The following THRB variants were observed in gnomAD, a reference collection of about 807,000 sequenced individuals.
THRB encodes thyroid hormone receptor beta.
A neutral mutation model predicts 47.8 loss-of-function variants in THRB; 12 were observed. The ratio of observed to expected loss-of-function variants is 0.25; its 90% confidence interval spans 0.16 to 0.41. The LOEUF is 0.41. Among genes scored for constraint, THRB ranks in the 10% least tolerant of loss-of-function variants. THRB has a pLI of 1.00. For synonymous variants in THRB, 218 were observed against 212.2 expected (o/e 1.03, Z -0.24); for missense variants, 348 against 589.2 (o/e 0.59, Z 4.24).
chr3:24,402,926 G>C (rs139122752), intron 1 of THRB, among the ~76,000 whole-genome samples: 216 of 152,082 alleles, frequency 1.4e-3, no homozygotes, highest in African/African-American at 4.9e-3. Context: ...TGACAATATA[G>C]ATAGAACAAT....
intron 3 of THRB, among the ~76,000 whole-genome samples, chr3:24,285,232 C>T (rs1410509120): frequency 1.3e-5 from 2 of 151,666 alleles, no homozygotes; most frequent in Admixed American, 6.6e-5. Context: ...CACATATACA[C>T]CATGGAATAC....
chr3:24,209,047 A>G (rs2045724457), intron 4 of THRB, among the ~76,000 whole-genome samples: 2 of 152,372 alleles, frequency 1.3e-5, no homozygotes. Context: ...CTCTTCTCAA[A>G]AGAAGACATT....
At chr3:24,320,353 T>A (rs927646349) in intron 2 of THRB, among the ~76,000 whole-genome samples, 1 of 152,184 alleles carries the variant, frequency 6.6e-6, no homozygotes, top group African/African-American at 2.4e-5. Context: ...AACCGGATTA[T>A]CACGTGAGGA....
intron 8 of THRB, among the ~76,000 whole-genome samples, chr3:24,140,599 A>AAG (rs2035306805): frequency 6.6e-6 from 1 of 152,114 alleles, no homozygotes; most frequent in Non-Finnish European, 1.5e-5. Flanking sequence ...ATATATAGTC[A>AAG]ACTGCTATGA....
intron 2 of THRB, among the ~76,000 whole-genome samples, chr3:24,335,097 C>G (rs759045054): frequency 6.6e-5 from 10 of 152,152 alleles, no homozygotes; most frequent in Non-Finnish European, 1.2e-4. Context: ...CCAGCACAGA[C>G]TTTTAAGGGG....
intron 1 of THRB, among the ~76,000 whole-genome samples, chr3:24,484,966 G>GCATT (rs546602288): frequency 6.6e-5 from 10 of 151,996 alleles, no homozygotes; most frequent in Admixed American, 2.0e-4. Context: ...ACCCATTCCT[G>GCATT]CATTCATTCA....
intron 1 of THRB, among the ~76,000 whole-genome samples, chr3:24,479,357 A>G (rs959541278): frequency 2.0e-5 from 3 of 152,196 alleles, no homozygotes; most frequent in African/African-American, 4.8e-5. Context: ...TATATTGCAC[A>G]GGGCAGCCCC....
At position 24,118,592 on chromosome 3, in the gene THRB, G is replaced by GC. The variant is rs1343598046; in HGVS notation, c.*4291dup. On this transcript the variant is annotated 3_prime_UTR_variant, in exon 11 of 11. Coordinates refer to ENST00000646209, the MANE Select transcript of THRB (RefSeq NM_001354712.2). Reference sequence around the variant, plus strand: ...TTGGCTCTATGGTCAAATTAAAAATGCCAAGTTAATAAGGGAGAACCAAAA... The same window carrying GC: ...TTGGCTCTATGGTCAAATTAAAAATGCCCAAGTTAATAAGGGAGAACCAAAA... The GC allele has an allele frequency of 1.3e-5, 2 of 152,620 alleles. No homozygotes were observed. The highest frequency in any genetic ancestry group is 4.8e-5 in the African/African-American group (2 of 41,456). 9.5% of individuals were successfully genotyped at this position (152,620 alleles called of 1,614,324 possible).
Position 24,437,785 on chromosome 3 carries a change from C to G in THRB, c.-261+56867G>C, listed in dbSNP as rs148797891. Among the ~76,000 whole-genome samples the G allele has an allele frequency of 2.0e-5, 3 of 152,146 alleles. No homozygotes were observed. In the South Asian group the frequency reaches 6.2e-4, roughly 32 times the overall value. ...AGATACAGGGAAGAAAATGAACACA[C>G]TTTTGGGCTCAAAAACTAAATTTAC... On this transcript the variant is annotated intron_variant, in intron 1 of 10. Transcript: ENST00000646209.
chr3:24,170,976 G>A (rs1035951715), intron 5 of THRB, among the ~76,000 whole-genome samples: 14 of 152,078 alleles, frequency 9.2e-5, no homozygotes, highest in African/African-American at 2.9e-4. Flanking sequence ...TTATATCTTC[G>A]TCACAAGAGA....
At chr3:24,199,662 A>C (rs1158657303) in intron 4 of THRB, among the ~76,000 whole-genome samples, 1 of 152,254 alleles carries the variant, frequency 6.6e-6, no homozygotes, top group Non-Finnish European at 1.5e-5. Flanking sequence ...CTCTGAAACT[A>C]AAAAGTACAA....
intron 1 of THRB, among the ~76,000 whole-genome samples, chr3:24,472,212 G>T (rs1459679117): frequency 6.6e-6 from 1 of 152,144 alleles, no homozygotes; most frequent in Non-Finnish European, 1.5e-5. Flanking sequence ...TACTTTGCCT[G>T]CTATGTTATA....
chr3:24,204,562 G>A (rs947032736), intron 4 of THRB, among the ~76,000 whole-genome samples: 1 of 152,190 alleles, frequency 6.6e-6, no homozygotes, highest in Non-Finnish European at 1.5e-5. Flanking sequence ...AAAAAACAGA[G>A]CAGAAAAGCT....
At chr3:24,391,850 A>G (rs1227535711) in intron 1 of THRB, among the ~76,000 whole-genome samples, 1 of 152,098 alleles carries the variant, frequency 6.6e-6, no homozygotes, top group Non-Finnish European at 1.5e-5. Flanking sequence ...TTCTACATGT[A>G]CTAACTGACT....
intron 3 of THRB, among the ~76,000 whole-genome samples, chr3:24,279,938 G>A (rs867669655): frequency 2.6e-5 from 4 of 152,116 alleles, no homozygotes; most frequent in Admixed American, 2.0e-4. Flanking sequence ...CCTTTGTTAC[G>A]TATTTTATCT....
chr3:24,274,895 TTG>T (rs1424863353), intron 3 of THRB, among the ~76,000 whole-genome samples: 4 of 152,222 alleles, frequency 2.6e-5, no homozygotes, highest in East Asian at 1.9e-4. Flanking sequence ...TTTTTTTATG[TTG>T]TGTTTTATGA....
chr3:24,231,370 G>A (rs150997304), intron 3 of THRB, among the ~76,000 whole-genome samples: 39 of 152,038 alleles, frequency 2.6e-4, no homozygotes, highest in African/African-American at 6.8e-4. Context: ...TGTGTGGGGC[G>A]GAAAGTATCT....
intron 6 of THRB, among the ~76,000 whole-genome samples, chr3:24,151,334 G>A (rs1269818649): frequency 6.6e-6 from 1 of 152,122 alleles, no homozygotes; most frequent in Non-Finnish European, 1.5e-5. Context: ...ATGTTGATTT[G>A]GGGGCTTTAC....
intron 1 of THRB, among the ~76,000 whole-genome samples, chr3:24,486,022 C>A (rs1697234587): frequency 6.6e-6 from 1 of 152,156 alleles, no homozygotes; most frequent in African/African-American, 2.4e-5. Context: ...CACTCCACGG[C>A]CCCAGTTCCA....
Sources: allele counts gnomAD v4.1 joint callset (sites outside exome capture counted in the v4.1 genomes callset), GRCh38; gene constraint gnomAD v4.1.1; transcripts MANE v1.5; gene names NCBI Gene and HGNC (gene_info 2026-07-23, HGNC 2026-07-21).